SYNPR: variants seen among roughly 807,000 people sequenced by gnomAD.
SYNPR encodes synaptoporin.
In SYNPR, 23 loss-of-function variants were observed where a neutral mutation model predicts 32.9. The ratio of observed to expected loss-of-function variants is 0.70; its 90% confidence interval spans 0.50 to 0.99. The LOEUF (loss-of-function observed/expected upper bound fraction) is 0.99, where lower values mean the gene tolerates loss of function less well. Ranked by LOEUF, SYNPR falls within the 50% of genes least tolerant of loss-of-function variation. The probability of loss-of-function intolerance (pLI) is 0.00; values close to 1 mark genes in which losing one functional copy is unlikely to be tolerated. For synonymous variants in SYNPR, 146 were observed against 135.9 expected, an observed-to-expected ratio of 1.07 and a Z score of -0.52; for missense variants, 318 against 349.3, an observed-to-expected ratio of 0.91 and a Z score of 0.71.
chr3:63,307,026 G>C (rs1202767041), intron 2 of SYNPR, among the ~76,000 whole-genome samples: 1 of 152,056 alleles, frequency 6.6e-6, no homozygotes, highest in Non-Finnish European at 1.5e-5. Context: ...ACTGTGCTGA[G>C]TGAAACATCT....
chr3:63,395,616 C>A (rs1486979984), intron 2 of SYNPR, among the ~76,000 whole-genome samples: 2 of 152,178 alleles, frequency 1.3e-5, no homozygotes, highest in Non-Finnish European at 2.9e-5. Context: ...ACACAGCTCA[C>A]CTTACCTGTG....
chr3:63,524,218 C>T (rs1701963653), intron 3 of SYNPR, among the ~76,000 whole-genome samples: 1 of 151,932 alleles, frequency 6.6e-6, no homozygotes, highest in African/African-American at 2.4e-5. Context: ...AAAAACCATA[C>T]AAAAAAGGTA....
intron 2 of SYNPR, among the ~76,000 whole-genome samples, chr3:63,476,688 T>G (rs2106689108): frequency 6.6e-6 from 1 of 152,282 alleles, no homozygotes; most frequent in Non-Finnish European, 1.5e-5. Context: ...CTTTCAACTC[T>G]CATTTTTTGC....
chr3:63,201,224 G>A, the SYNPR span, among the ~76,000 whole-genome samples: 2 of 152,112 alleles, frequency 1.3e-5, no homozygotes, highest in Non-Finnish European at 2.9e-5. Flanking sequence ...TGTCTTGAGG[G>A]AAGGGGCCAT....
chr3:63,490,567 C>A (rs1279511446), intron 3 of SYNPR, among the ~76,000 whole-genome samples: 1 of 151,982 alleles, frequency 6.6e-6, no homozygotes, highest in African/African-American at 2.4e-5. Context: ...ATATAGCATG[C>A]CATGCGTGGT....
chr3:63,458,682 A>C (rs1385061000), intron 2 of SYNPR, among the ~76,000 whole-genome samples: 1 of 152,102 alleles, frequency 6.6e-6, no homozygotes, highest in African/African-American at 2.4e-5. Flanking sequence ...TCTTGGCAGG[A>C]GTTGCTCCAA....
rs565268523 is a variant in SYNPR, at chr3:63,502,928, A to G, written c.209+21972A>G. ...CTCTAGGATTATGAATGAAGCTACT[A>G]TAAACATCTCTATGCAGATTTTCAT... On this transcript the variant is annotated intron_variant, in intron 3 of 5. Transcript: ENST00000478300. 5.1e-4 allele frequency among the ~76,000 whole-genome samples: 78 copies of G among 152,282 alleles called. 1 individual carries two copies. The South Asian group carries it at 0.015, about 30-fold the overall frequency.
rs142513984 is a variant in SYNPR at position 63,519,883 on chromosome 3, T to C, written c.210-36660T>C. ...AAACTCTGATAACCAAAAAAGAAAG[T>C]ATAAATTATCATAATTCACATCACC... On this transcript the variant is annotated intron_variant, in intron 3 of 5. Transcript: ENST00000478300. 2.1e-3 allele frequency among the ~76,000 whole-genome samples: 321 copies of C among 152,322 alleles called. 1 individual carries two copies. Among genetic ancestry groups the C allele is most frequent in the African/African-American group, 7.2e-3 (300 of 41,586 alleles).
intron 1 of SYNPR, among the ~76,000 whole-genome samples, chr3:63,231,391 G>A (rs138299910): frequency 6.6e-6 from 1 of 152,040 alleles, no homozygotes; most frequent in African/African-American, 2.4e-5. Context: ...TGCTGCTCAG[G>A]TGATGGGTGC....
chr3:63,242,998 A>T (rs570737582), intron 1 of SYNPR, among the ~76,000 whole-genome samples: 1 of 152,062 alleles, frequency 6.6e-6, no homozygotes, highest in African/African-American at 2.4e-5. Flanking sequence ...AAATGTACAT[A>T]TTAGAATATA....
intron 2 of SYNPR, among the ~76,000 whole-genome samples, chr3:63,293,184 A>T (rs564593023): frequency 1.8e-4 from 28 of 152,294 alleles, no homozygotes; most frequent in African/African-American, 6.7e-4. Flanking sequence ...TAATGACCTT[A>T]TAAGGTCACT....
At chr3:63,342,528 G>A (rs754132590) in intron 2 of SYNPR, among the ~76,000 whole-genome samples, 2 of 152,098 alleles carry the variant, frequency 1.3e-5, no homozygotes, top group Non-Finnish European at 2.9e-5. Flanking sequence ...CTAATATTTT[G>A]TTGATGATTT....
Position 63,390,816 on chromosome 3 carries a change from TC to T in SYNPR, c.85-90014del, listed in dbSNP as rs1236603604. 3.9e-5 allele frequency among the ~76,000 whole-genome samples: 6 copies of T among 152,286 alleles called. No individual in the cohort carries two copies. The East Asian group carries it at 9.7e-4, about 25-fold the overall frequency. On this transcript the variant is annotated intron_variant, in intron 2 of 5. Coordinates refer to ENST00000478300, the MANE Select transcript of SYNPR (RefSeq NM_001130003.2). ...GGCTACTCAGCCAAGGCCTCCTCCT[TC>T]CTGGAAGTTGTCTCTGCTTTCCTGT...
chr3:63,314,434 C>T (rs1370845957), intron 2 of SYNPR, among the ~76,000 whole-genome samples: 1 of 151,792 alleles, frequency 6.6e-6, no homozygotes, highest in Non-Finnish European at 1.5e-5. Context: ...GGTGGTATTA[C>T]ATTGTAGTTT....
At chr3:63,586,245 A>G (rs968278751) in intron 4 of SYNPR, among the ~76,000 whole-genome samples, 11 of 151,938 alleles carry the variant, frequency 7.2e-5, no homozygotes, top group African/African-American at 2.2e-4. Context: ...CTTTTCATGA[A>G]CCTAACTGTG....
At chr3:63,228,568 C>A (rs992627123) in intron 1 of SYNPR, among the ~76,000 whole-genome samples, 3 of 152,022 alleles carry the variant, frequency 2.0e-5, no homozygotes, top group African/African-American at 7.2e-5. Flanking sequence ...TAGTTTCTAC[C>A]TTTCTCCTTA....
In SYNPR at chr3:63,297,523, A is replaced by G. The variant is rs1023759945; in HGVS notation, c.84+18781A>G. Among the ~76,000 whole-genome samples the G allele has an allele frequency of 2.6e-5, 4 of 152,202 alleles. No individual in the cohort carries two copies. In the South Asian group the frequency reaches 6.2e-4, roughly 24 times the overall value. ...TATGTTTTAATAATGGTATACTTTT[A>G]TTTGGGAAGCAGACTAAAAGTCACA... is the stretch of plus-strand genomic sequence containing the variant. On this transcript the variant is annotated intron_variant, in intron 2 of 5. Transcript: ENST00000478300.
chr3:63,340,654 C>T (rs1163709848), intron 2 of SYNPR, among the ~76,000 whole-genome samples: 4 of 151,662 alleles, frequency 2.6e-5, no homozygotes, highest in Admixed American at 6.6e-5. Flanking sequence ...CTCCTGACCT[C>T]GTGATCTGCC....
At chr3:63,564,986 C>T (rs769071654) in intron 4 of SYNPR, among the ~76,000 whole-genome samples, 9 of 152,224 alleles carry the variant, frequency 5.9e-5, no homozygotes, top group Admixed American at 2.6e-4. Flanking sequence ...ACCCCATCCA[C>T]GTTTGTCACA....
Sources: gnomAD v4.1 joint callset for allele counts (sites outside exome capture counted in the v4.1 genomes callset) on GRCh38, gnomAD v4.1.1 for gene constraint, MANE v1.5 for transcripts, NCBI Gene and HGNC (gene_info 2026-07-23, HGNC 2026-07-21) for gene names.